FAM149A: variants seen among roughly 807,000 people sequenced by gnomAD.
The protein encoded by FAM149A is family with sequence similarity 149 member A.
Under a neutral mutation model 78.2 loss-of-function variants are expected in FAM149A, and 71 were observed. The ratio of observed to expected loss-of-function variants is 0.91; its 90% CI spans 0.75 to 1.11. FAM149A has a LOEUF of 1.11. FAM149A is among the 50% of genes least tolerant of loss of function. The probability of loss-of-function intolerance (pLI) is 0.00; values close to 1 mark genes in which losing one functional copy is unlikely to be tolerated. For synonymous variants in FAM149A, 446 were observed against 410.5 expected, an observed-to-expected ratio of 1.09 and a Z score of -1.04; for missense variants, 1,036 against 971.0, an observed-to-expected ratio of 1.07 and a Z score of -0.89.
chr4:186,149,637 C>A lies in FAM149A; in HGVS notation c.722C>A (p.Ser241Ter), dbSNP rs994757094. The A allele has an allele frequency of 2.3e-6, 3 of 1,289,900 alleles. No homozygotes were observed. Among genetic ancestry groups the A allele is most frequent in the Admixed American group, 2.3e-5 (1 of 43,556 alleles). 79.9% of individuals were successfully genotyped at this position (1,289,900 alleles called of 1,614,324 possible). A position where few individuals can be genotyped will look rare whatever the true frequency, so the allele number is the denominator to read the frequency against. ...GGAGCCCACACCTCTTGGTCTGGGT[C>A]GGCCACACAGAGCTCTACCACCGGC... Residue 241 changes from serine (S) to a stop codon, truncating the protein, a stop_gained, in exon 3 of 14, where the codon TCG becomes TAG. Transcript: ENST00000389354. LOFTEE classifies it high-confidence loss of function.
chr4:186,109,976 T>A (rs745687226), intron 1 of FAM149A: 1 of 985,332 alleles, frequency 1.0e-6, no homozygotes, highest in Non-Finnish European at 1.2e-6. Context: ...GGGATCAAAC[T>A]TTTAATCTGC....
intron 7 of FAM149A, among the ~76,000 whole-genome samples, chr4:186,156,876 G>C (rs940538400): frequency 1.1e-4 from 16 of 146,386 alleles, no homozygotes; most frequent in African/African-American, 3.7e-4. Flanking sequence ...TCAGGAGGCT[G>C]AGATGGGAGG....
At chr4:186,124,789 T>C (rs906305764) in intron 1 of FAM149A, among the ~76,000 whole-genome samples, 2 of 152,178 alleles carry the variant, frequency 1.3e-5, no homozygotes, top group African/African-American at 4.8e-5. Context: ...AGTAATGGGA[T>C]GGCTGGGTCA....
Position 186,174,442 on chromosome 4 carries a change from G to T in FAM149A, c.*2455G>T, listed in dbSNP as rs1330935473. On this transcript the variant is annotated 3_prime_UTR_variant, in exon 14 of 14. Coordinates refer to ENST00000389354, the MANE Select transcript of FAM149A (RefSeq NM_001367768.3). ...CTTTTTTATGAGCTCAAGCTTCGTA[G>T]TAGGGAAAACACCGGATATTCAGTC... 3.6e-5 allele frequency among the ~76,000 whole-genome samples: 4 copies of T among 111,690 alleles called. 2 individuals are homozygous for T. Among genetic ancestry groups the T allele is most frequent in the Admixed American group, 3.5e-4 (4 of 11,338 alleles). The allele number at this position is 111,690 out of a possible 152,430, so 73.3% of individuals were successfully genotyped here. A position where few individuals can be genotyped will look rare whatever the true frequency, so the allele number is the denominator to read the frequency against.
intron 1 of FAM149A, chr4:186,123,931 G>A (rs2099317137): frequency 1.0e-6 from 1 of 983,134 alleles, no homozygotes; most frequent in African/African-American, 1.8e-5. Context: ...AGCTGAAATT[G>A]CTAAACAAAA....
chr4:186,149,157 T>C lies in FAM149A; in HGVS notation c.567-16T>C, dbSNP rs1460944483. 17 of 1,270,024 alleles carry C rather than the reference T, an allele frequency of 1.3e-5. No homozygotes were observed. The highest frequency in any genetic ancestry group is 1.6e-5 in the Non-Finnish European group (16 of 983,656). 78.7% of individuals were successfully genotyped at this position (1,270,024 alleles called of 1,614,324 possible). On this transcript the variant is annotated splice_polypyrimidine_tract_variant and intron_variant, in intron 1 of 13. Coordinates refer to ENST00000389354, the MANE Select transcript of FAM149A (RefSeq NM_001367768.3). ...ATTACATTAGGGAGACTCGTCATGT[T>C]TTATTTTATTTCCAGAAGAGGACTG...
rs1481785038 is a variant in FAM149A at position 186,136,992 on chromosome 4, C to CTTTCTCTCTCTCTCTT, written c.567-12180_567-12179insTTCTCTCTCTCTCTTT. ...TCTCTCTCTTTCTCTCTCTCTCTCT[C>CTTTCTCTCTCTCTCTT]TCTCTCTCTCTCTCTCTCTCTCTCT... is the stretch of plus-strand genomic sequence containing the variant. On this transcript the variant is annotated intron_variant, in intron 1 of 13. Coordinates refer to ENST00000389354, the MANE Select transcript of FAM149A (RefSeq NM_001367768.3). 1.1e-4 allele frequency among the ~76,000 whole-genome samples: 14 copies of CTTTCTCTCTCTCTCTT among 126,690 alleles called. 1 individual carries two copies. 83.1% of individuals were successfully genotyped at this position (126,690 alleles called of 152,430 possible).
intron 1 of FAM149A, among the ~76,000 whole-genome samples, chr4:186,143,423 A>G (rs1351735924): frequency 9.2e-5 from 14 of 152,166 alleles, no homozygotes; most frequent in Admixed American, 5.2e-4. Context: ...CACATCACAC[A>G]TATACACATA....
At chr4:186,150,262 A>G (rs1035308891) in intron 3 of FAM149A, among the ~76,000 whole-genome samples, 11 of 151,188 alleles carry the variant, frequency 7.3e-5, no homozygotes, top group African/African-American at 2.7e-4. Flanking sequence ...CCTCCCTCCA[A>G]GGGTCTCCGT....
At chr4:186,123,612 G>C (rs2099316986) in intron 1 of FAM149A, among the ~76,000 whole-genome samples, 1 of 152,202 alleles carries the variant, frequency 6.6e-6, no homozygotes, top group Non-Finnish European at 1.5e-5. Context: ...CCCACTGCAG[G>C]ATCAAGGACC....
chr4:186,136,924 A>G (rs1336437311), intron 1 of FAM149A, among the ~76,000 whole-genome samples: 4 of 142,074 alleles, frequency 2.8e-5, no homozygotes, highest in Admixed American at 7.0e-5. Flanking sequence ...TGAAGCTCAA[A>G]TACACTGATT....
chr4:186,154,404 C>T (rs1487573174), intron 5 of FAM149A, 64 bp from the exon 6 acceptor site: 2 of 1,342,476 alleles, frequency 1.5e-6, no homozygotes, highest in African/African-American at 2.9e-5. Context: ...CCGCCATGAT[C>T]GTTTAAGCAT....
Position 186,144,490 on chromosome 4 carries a change from C to A in FAM149A, c.567-4683C>A, listed in dbSNP as rs1015370860. ...TCCCCACCCCAGCCTGGTGTGCGCACCCTTTGATGGGGCGGGGATAGGCGA... is the reference window on the plus strand; with the variant it reads ...TCCCCACCCCAGCCTGGTGTGCGCAACCTTTGATGGGGCGGGGATAGGCGA... On this transcript the variant is annotated intron_variant, in intron 1 of 13. Transcript: ENST00000389354. The surrounding 1 kb of genome is among the most constrained non-coding windows in gnomAD (Gnocchi z 4.2). 1 of 152,332 alleles carries A rather than the reference C, an allele frequency of 6.6e-6. No individual in the cohort carries two copies. Among genetic ancestry groups the A allele is most frequent in the Non-Finnish European group, 1.5e-5 (1 of 68,132 alleles). 9.4% of individuals were successfully genotyped at this position (152,332 alleles called of 1,614,324 possible).
chr4:186,125,625 C>T, intron 1 of FAM149A: 2 of 829,706 alleles, frequency 2.4e-6, no homozygotes, highest in Non-Finnish European at 2.9e-6. Context: ...GGCTTGTTGT[C>T]AGGTTTAAGT....
chr4:186,169,599 A>G (rs1579942537), intron 13 of FAM149A: 4 of 985,474 alleles, frequency 4.1e-6, no homozygotes, highest in Non-Finnish European at 4.8e-6. Context: ...CTCAGGCAGC[A>G]CACCACGATC....
chr4:186,167,010 C>T lies in FAM149A; in HGVS notation c.2053C>T (p.Pro685Ser). The change falls in exon 12 of 14, where the codon CCT (proline) becomes TCT (serine). Residue 685 changes from proline (P) to serine (S), a missense_variant. Transcript: ENST00000389354. ...ACAAAACCGTGTGTTGAGTGCCATG[C>T]CTGACGGTACAGAACGATCGCGTCT... The T allele has an allele frequency of 6.2e-7, 1 of 1,614,016 alleles. No homozygotes were observed. The highest frequency in any genetic ancestry group is 8.5e-7 in the Non-Finnish European group (1 of 1,179,904).
chr4:186,140,155 G>A (rs910942645), intron 1 of FAM149A, among the ~76,000 whole-genome samples: 8 of 152,166 alleles, frequency 5.3e-5, no homozygotes, highest in Admixed American at 4.6e-4. Flanking sequence ...TATCAGCTCA[G>A]GATTGCATGG....
At position 186,105,000 on chromosome 4, in the gene FAM149A, G is replaced by T. The variant is rs1173541065; in HGVS notation, c.-77G>T. On this transcript the variant is annotated 5_prime_UTR_variant, in exon 1 of 14. Coordinates refer to ENST00000389354, the MANE Select transcript of FAM149A (RefSeq NM_001367768.3). ...CGGGGACCTCAGGCTCCTCGCCCCG[G>T]CCCGGGCCGCCTCGGCCGGATCTCC... 8.1e-7 allele frequency: 1 copy of T among 1,234,294 alleles called. No homozygotes were observed. Among genetic ancestry groups the T allele is most frequent in the South Asian group, 1.3e-5 (1 of 74,506 alleles). The allele number at this position is 1,234,294 out of a possible 1,614,324, so 76.5% of individuals were successfully genotyped here.
chr4:186,144,536 C>T lies in FAM149A; in HGVS notation c.567-4637C>T, dbSNP rs545637136. The stretch of plus-strand genomic sequence containing the variant: ...GGCGAGATGGTCCTGTGGTTCTCTG[C>T]CTTCTTCTGGTGAATTAAAATCCGA... On this transcript the variant is annotated intron_variant, in intron 1 of 13. Transcript: ENST00000389354. This position sits in a 1 kb window ranked among gnomAD's most constrained non-coding sequence, Gnocchi z 4.2. The T allele has an allele frequency of 2.0e-5, 3 of 152,608 alleles. No individual in the cohort carries two copies. The highest frequency in any genetic ancestry group is 1.3e-4 in the Admixed American group (2 of 15,308). The allele number at this position is 152,608 out of a possible 1,614,324, so 9.5% of individuals were successfully genotyped here. A position where few individuals can be genotyped will look rare whatever the true frequency, so the allele number is the denominator to read the frequency against.
Sources: allele counts gnomAD v4.1 joint callset (sites outside exome capture counted in the v4.1 genomes callset), GRCh38; gene constraint gnomAD v4.1.1; non-coding constraint Gnocchi (gnomAD v3.1); transcripts MANE v1.5; gene names NCBI Gene and HGNC (gene_info 2026-07-23, HGNC 2026-07-21).